Variants in CUL2 observed in about 807,000 individuals in gnomAD.
The protein encoded by CUL2 is cullin-2.
Under a neutral mutation model 110.2 loss-of-function variants are expected in CUL2, and 22 were observed. The observed-to-expected ratio is 0.20, with a 90% CI of 0.14 to 0.28. CUL2 has a LOEUF of 0.28. Among genes scored for constraint, CUL2 ranks in the 10% least tolerant of loss-of-function variants. The pLI is 1.00. For synonymous variants in CUL2, 279 were observed against 293.2 expected, an observed-to-expected ratio of 0.95 and a Z score of 0.49; for missense variants, 631 against 905.5, an observed-to-expected ratio of 0.70 and a Z score of 3.89.
At chr10:35,028,195 T>C (rs1053852019) in intron 16 of CUL2, among the ~76,000 whole-genome samples, 22 of 152,350 alleles carry the variant, frequency 1.4e-4, no homozygotes, top group African/African-American at 5.3e-4. Context: ...ACATAGTTTC[T>C]AAAATAGTCT....
intron 1 of CUL2, among the ~76,000 whole-genome samples, chr10:35,083,308 T>C (rs1308483945): frequency 6.6e-6 from 1 of 152,208 alleles, no homozygotes; most frequent in East Asian, 1.9e-4. Flanking sequence ...CTCATGGTTT[T>C]GAATACACAA....
chr10:35,086,102 A>G (rs903842216), intron 1 of CUL2, among the ~76,000 whole-genome samples: 3 of 151,282 alleles, frequency 2.0e-5, no homozygotes, highest in African/African-American at 7.3e-5. Flanking sequence ...AGAGTGGTGG[A>G]GGGCGCCTGT....
intron 8 of CUL2, among the ~76,000 whole-genome samples, chr10:35,043,382 A>C (rs956915574): frequency 2.0e-5 from 3 of 151,494 alleles, no homozygotes; most frequent in African/African-American, 7.4e-5. Flanking sequence ...ATGGGGGAAA[A>C]GTTCCAGATA....
chr10:35,028,255 C>T (rs1020834902), intron 16 of CUL2, among the ~76,000 whole-genome samples: 35 of 152,318 alleles, frequency 2.3e-4, no homozygotes, highest in Admixed American at 1.4e-3. Context: ...AATTTAGCCT[C>T]CTATTCTGAA....
At chr10:35,038,549 A>AAAAC (rs2085692384) in intron 9 of CUL2, among the ~76,000 whole-genome samples, 1 of 149,304 alleles carries the variant, frequency 6.7e-6, no homozygotes, top group African/African-American at 2.4e-5. Context: ...AAAAAAAAAA[A>AAAAC]ATCAGATATA....
chr10:35,070,219 C>G (rs1218582246), intron 2 of CUL2, among the ~76,000 whole-genome samples: 1 of 152,146 alleles, frequency 6.6e-6, no homozygotes, highest in Non-Finnish European at 1.5e-5. Context: ...AACTTTGAAG[C>G]CTTCCAAAAT....
Position 35,116,215 on chromosome 10 carries a change from C to T in CUL2, c.-51+10390G>A, listed in dbSNP as rs377350047. Among the ~76,000 whole-genome samples the T allele has an allele frequency of 1.6e-4, 25 of 152,008 alleles. 1 individual carries two copies. Among genetic ancestry groups the T allele is most frequent in the African/African-American group, 5.3e-4 (22 of 41,476 alleles). ...AAAATTAGCCAGGTGTGGTGGCAGG[C>T]GCCTGTAATCCCAGCTACTCCGGAG... On this transcript the variant is annotated intron_variant, in intron 1 of 5. Transcript: ENST00000685421.
At position 35,011,916 on chromosome 10, in the gene CUL2, G is replaced by T. The variant is rs568801813; in HGVS notation, c.2038C>A (p.Leu680Ile). Residue 680 changes from leucine to isoleucine, a missense_variant, in exon 20 of 21, where the codon CTC becomes ATC. This residue lies in a region of CUL2 where 159 missense variants were observed against 202.7 expected (regional missense o/e 0.78). Coordinates refer to ENST00000374749, the MANE Select transcript of CUL2 (RefSeq NM_003591.4). ...ATGATACGAACTATAGCAGCTTGGA[G>T]ATACATTTTCCGGTCCTCATCAACT... ...SAVDEDRKMYLQAAIVRIMKA... is the reference protein window; with the variant it reads ...SAVDEDRKMYIQAAIVRIMKA... 6.2e-7 allele frequency: 1 copy of T among 1,613,648 alleles called. No individual in the cohort carries two copies. The highest frequency in any genetic ancestry group is 2.2e-5 in the East Asian group (1 of 44,876).
intron 8 of CUL2, among the ~76,000 whole-genome samples, chr10:35,044,021 A>G (rs892656413): frequency 1.5e-4 from 20 of 137,118 alleles, no homozygotes; most frequent in South Asian, 2.6e-4. Flanking sequence ...ACTGCACTCT[A>G]GTCTGGGCAC....
chr10:35,013,137 G>A (rs2084945439), intron 19 of CUL2, among the ~76,000 whole-genome samples: 1 of 151,990 alleles, frequency 6.6e-6, no homozygotes, highest in Non-Finnish European at 1.5e-5. Context: ...TCAGGAGATC[G>A]AGACCACCCT....
At chr10:35,035,676 A>G (rs1002107881) in intron 9 of CUL2, among the ~76,000 whole-genome samples, 10 of 152,238 alleles carry the variant, frequency 6.6e-5, no homozygotes, top group African/African-American at 1.9e-4. Flanking sequence ...TTATGTGGAT[A>G]TAATTTCTTA....
chr10:35,066,270 T>C (rs1006845562), intron 2 of CUL2, among the ~76,000 whole-genome samples: 4 of 151,648 alleles, frequency 2.6e-5, no homozygotes, highest in Non-Finnish European at 2.9e-5. Flanking sequence ...TTAAAAAAAA[T>C]ATATAATAAA....
At position 35,032,682 on chromosome 10, in the gene CUL2, T is replaced by G. The variant is rs180874703; in HGVS notation, c.1111-188A>C. Among the ~76,000 whole-genome samples, 17 of 152,308 alleles carry G rather than the reference T, an allele frequency of 1.1e-4. No homozygotes were observed. In the East Asian group the frequency reaches 3.3e-3, roughly 29 times the overall value. On this transcript the variant is annotated intron_variant, in intron 11 of 20. Coordinates refer to ENST00000374749, the MANE Select transcript of CUL2 (RefSeq NM_003591.4). ...CTGACTTTATTCTCTAATTACAAAATATCTATATATCCTGTTGCTATTCCA... is the reference window on the plus strand; with the variant it reads ...CTGACTTTATTCTCTAATTACAAAAGATCTATATATCCTGTTGCTATTCCA...
chr10:35,019,984 G>T (rs922912915), intron 17 of CUL2, among the ~76,000 whole-genome samples: 1 of 151,386 alleles, frequency 6.6e-6, no homozygotes, highest in Admixed American at 6.6e-5. Context: ...CCTTCATCAA[G>T]TGACCAAATT....
At chr10:35,117,327 A>G (rs138849301) in intron 1 of CUL2, among the ~76,000 whole-genome samples, 97 of 152,238 alleles carry the variant, frequency 6.4e-4, no homozygotes, top group Admixed American at 1.3e-3. Context: ...AGCCTAGTCT[A>G]TCTCACAGGC....
At chr10:35,013,062 C>A (rs1310363124) in intron 19 of CUL2, among the ~76,000 whole-genome samples, 1 of 152,084 alleles carries the variant, frequency 6.6e-6, no homozygotes, top group African/African-American at 2.4e-5. Context: ...AGCTGTAGGC[C>A]AGGCGCGGTG....
intron 3 of CUL2, among the ~76,000 whole-genome samples, chr10:35,061,234 G>T (rs985269809): frequency 3.9e-5 from 6 of 151,982 alleles, no homozygotes; most frequent in African/African-American, 1.4e-4. Flanking sequence ...AGCACTTTGG[G>T]AGGCCAAGGC....
chr10:35,074,066 G>A, intron 1 of CUL2: 1 of 900,664 alleles, frequency 1.1e-6, no homozygotes, highest in South Asian at 1.4e-5. Context: ...TAACATGCTT[G>A]GTGAATACTT....
chr10:35,125,009 G>A (rs2087726883), intron 1 of CUL2, among the ~76,000 whole-genome samples: 1 of 152,120 alleles, frequency 6.6e-6, no homozygotes, highest in South Asian at 2.1e-4. Flanking sequence ...AACATGAGTA[G>A]GTTTTTAAGT....
Sources: allele counts gnomAD v4.1 joint callset (sites outside exome capture counted in the v4.1 genomes callset), GRCh38; gene constraint gnomAD v4.1.1; regional missense constraint gnomAD v4.1.1; transcripts MANE v1.5; gene names NCBI Gene and HGNC (gene_info 2026-07-23, HGNC 2026-07-21).